PDSS2: variants seen among roughly 807,000 people sequenced by gnomAD.
PDSS2 encodes the protein decaprenyl diphosphate synthase subunit 2.
In PDSS2, 31 loss-of-function variants were observed where a neutral mutation model predicts 44.5. That is an observed-to-expected ratio of 0.70 (90% CI 0.52 to 0.94). The LOEUF is 0.94. Among genes scored for constraint, PDSS2 ranks in the 40% least tolerant of loss-of-function variants. The pLI is 0.00. For missense variants in PDSS2, 452 were observed against 482.2 expected, an observed-to-expected ratio of 0.94 and a Z score of 0.59; for synonymous variants, 157 against 180.3, an observed-to-expected ratio of 0.87 and a Z score of 1.03.
In PDSS2 at chr6:107,159,025, G is replaced by A. The variant is rs570041510; in HGVS notation, c.1042-4248C>T. Among the ~76,000 whole-genome samples, 76 of 152,176 alleles carry A rather than the reference G, an allele frequency of 5.0e-4. 1 individual carries two copies. The South Asian group carries it at 0.013, about 25-fold the overall frequency. ...ATTACAGGCGTGAGCCACTGCGCCC[G>A]GCCTTAACTGTTCTCAGTTCTAAGT... On this transcript the variant is annotated intron_variant, in intron 7 of 7. Coordinates refer to ENST00000369037, the MANE Select transcript of PDSS2 (RefSeq NM_020381.4).
At chr6:107,420,389 AAAG>A (rs1165394731) in intron 1 of PDSS2, among the ~76,000 whole-genome samples, 2 of 152,218 alleles carry the variant, frequency 1.3e-5, no homozygotes, top group African/African-American at 4.8e-5. Flanking sequence ...CAAGTTTGAA[AAAG>A]AAGAAAAGTA....
chr6:107,442,453 A>G (rs1781538994), intron 1 of PDSS2, among the ~76,000 whole-genome samples: 1 of 151,868 alleles, frequency 6.6e-6, no homozygotes, highest in African/African-American at 2.4e-5. Flanking sequence ...AAAAAACAAA[A>G]GCAATTTCTA....
intron 7 of PDSS2, among the ~76,000 whole-genome samples, chr6:107,168,533 T>C (rs1330094188): frequency 2.6e-5 from 4 of 151,562 alleles, no homozygotes; most frequent in African/African-American, 9.7e-5. Context: ...TGTTAGCTGG[T>C]TATTTTGCTC....
intron 1 of PDSS2, among the ~76,000 whole-genome samples, chr6:107,363,681 G>A (rs1054577077): frequency 3.7e-4 from 57 of 152,184 alleles, no homozygotes; most frequent in Non-Finnish European, 7.3e-4. Context: ...TGCCAATACT[G>A]GCTCGGGCAG....
intron 7 of PDSS2, among the ~76,000 whole-genome samples, chr6:107,190,403 C>T (rs529707693): frequency 2.0e-5 from 3 of 152,180 alleles, no homozygotes; most frequent in Non-Finnish European, 4.4e-5. Context: ...TCTGTTCACT[C>T]GCTTACTTGC....
chr6:107,345,566 T>A (rs1778216821), intron 1 of PDSS2, among the ~76,000 whole-genome samples: 1 of 151,176 alleles, frequency 6.6e-6, no homozygotes, highest in African/African-American at 2.4e-5. Context: ...CAACAGCAGA[T>A]GGATGAAGCC....
intron 3 of PDSS2, among the ~76,000 whole-genome samples, chr6:107,253,966 C>G (rs995629475): frequency 6.6e-6 from 1 of 151,934 alleles, no homozygotes; most frequent in African/African-American, 2.4e-5. Flanking sequence ...AGTTTTGAGA[C>G]TAGCCTGGGC....
chr6:107,209,422 A>C (rs1252686549), intron 6 of PDSS2, among the ~76,000 whole-genome samples: 1 of 152,158 alleles, frequency 6.6e-6, no homozygotes, highest in Non-Finnish European at 1.5e-5. Flanking sequence ...TGAGTTTGAC[A>C]GTTTCTTCAG....
chr6:107,154,150 C>T lies in PDSS2; in HGVS notation c.*469G>A, dbSNP rs528451100. 15 of 174,088 alleles carry T rather than the reference C, an allele frequency of 8.6e-5. No individual in the cohort carries two copies. The East Asian group carries it at 1.9e-3, about 22-fold the overall frequency. 10.8% of individuals were successfully genotyped at this position (174,088 alleles called of 1,614,324 possible). The stretch of plus-strand genomic sequence containing the variant: ...AACATATTTTTCTCAATCCATTGAA[C>T]TACTCTCCATTATGACAAATTGGTC... On this transcript the variant is annotated 3_prime_UTR_variant, in exon 8 of 8. Transcript: ENST00000369037.
chr6:107,214,425 C>T (rs371045986), intron 4 of PDSS2, among the ~76,000 whole-genome samples: 1 of 152,122 alleles, frequency 6.6e-6, no homozygotes, highest in East Asian at 1.9e-4. Context: ...TTCAAAATCA[C>T]TGTGCATTTT....
chr6:107,364,826 A>C (rs1228862662), intron 1 of PDSS2, among the ~76,000 whole-genome samples: 1 of 152,252 alleles, frequency 6.6e-6, no homozygotes, highest in Non-Finnish European at 1.5e-5. Context: ...TGAAAGTAGC[A>C]AGAGAAAAAT....
At chr6:107,456,156 A>T (rs905137241) in intron 1 of PDSS2, among the ~76,000 whole-genome samples, 8 of 152,120 alleles carry the variant, frequency 5.3e-5, no homozygotes, top group African/African-American at 1.9e-4. Flanking sequence ...CCCTGTCCCT[A>T]CTAAAAATAC....
chr6:107,268,216 T>A (rs2114916210), intron 3 of PDSS2, among the ~76,000 whole-genome samples: 1 of 152,296 alleles, frequency 6.6e-6, no homozygotes, highest in Admixed American at 6.5e-5. Flanking sequence ...GTCAACAGGA[T>A]GTAAGCAGAA....
At chr6:107,359,819 G>T (rs1362662591) in intron 1 of PDSS2, among the ~76,000 whole-genome samples, 1 of 152,056 alleles carries the variant, frequency 6.6e-6, no homozygotes, top group East Asian at 1.9e-4. Context: ...GCGGGGGGCG[G>T]TCCTTGATCC....
chr6:107,394,616 T>A (rs1335191218), intron 1 of PDSS2, among the ~76,000 whole-genome samples: 1 of 152,166 alleles, frequency 6.6e-6, no homozygotes, highest in Non-Finnish European at 1.5e-5. Flanking sequence ...AACATGGGAT[T>A]TGGGTGGGGA....
intron 2 of PDSS2, among the ~76,000 whole-genome samples, chr6:107,325,066 C>T (rs1777497143): frequency 6.6e-6 from 1 of 152,128 alleles, no homozygotes; most frequent in Non-Finnish European, 1.5e-5. Flanking sequence ...AAAAAACGGC[C>T]TCTTTCACAG....
At chr6:107,357,014 A>G (rs1188355781) in intron 1 of PDSS2, among the ~76,000 whole-genome samples, 5 of 152,196 alleles carry the variant, frequency 3.3e-5, no homozygotes, top group Non-Finnish European at 7.4e-5. Context: ...CAAAACAGGA[A>G]AAAATATCAC....
At chr6:107,305,922 A>G (rs903938040) in intron 2 of PDSS2, among the ~76,000 whole-genome samples, 1 of 152,160 alleles carries the variant, frequency 6.6e-6, no homozygotes, top group Non-Finnish European at 1.5e-5. Context: ...TCCAAATTTA[A>G]GACTCTTTTC....
At chr6:107,345,397 G>A (rs541775302) in intron 1 of PDSS2, among the ~76,000 whole-genome samples, 1 of 150,386 alleles carries the variant, frequency 6.6e-6, no homozygotes, top group East Asian at 1.9e-4. Context: ...TTAGTGTATG[G>A]AGTATCAGTC....
Sources: gnomAD v4.1 joint callset for allele counts (sites outside exome capture counted in the v4.1 genomes callset) on GRCh38, gnomAD v4.1.1 for gene constraint, MANE v1.5 for transcripts, NCBI Gene and HGNC (gene_info 2026-07-23, HGNC 2026-07-21) for gene names.